MECOM: variants seen among roughly 807,000 people sequenced by gnomAD.
The protein encoded by MECOM is histone-lysine N-methyltransferase MECOM.
Under a neutral mutation model 116.3 loss-of-function variants are expected in MECOM, and 13 were observed. The observed-to-expected ratio is 0.11, with a 90% confidence interval of 0.07 to 0.18. MECOM has a LOEUF of 0.18. Ranked by LOEUF, MECOM falls within the 10% of genes least tolerant of loss-of-function variation. MECOM has a pLI of 1.00. For missense variants in MECOM, 1,299 were observed against 1,509.0 expected (o/e 0.86, Z 2.31); for synonymous variants, 528 against 535.2 (o/e 0.99, Z 0.19).
At chr3:169,421,892 A>G (rs541565226) in intron 1 of MECOM, among the ~76,000 whole-genome samples, 2 of 152,254 alleles carry the variant, frequency 1.3e-5, no homozygotes, top group East Asian at 3.9e-4. Context: ...GATTAGCTGT[A>G]ATAATCCAAG....
rs141774779 is a variant in MECOM, at chr3:169,131,385, C to A, written c.613+44G>T. ...GATGCTTTCGATGCTACTTTATAGT[C>A]GCGATGATAAGGTGATAAGGAGGGT... On this transcript the variant is annotated intron_variant, in intron 4 of 16. Coordinates refer to ENST00000651503, the MANE Select transcript of MECOM (RefSeq NM_004991.4). 420 of 1,478,972 alleles carry A rather than the reference C, an allele frequency of 2.8e-4. 4 individuals are homozygous for A. In the East Asian group the frequency reaches 9.2e-3, roughly 33 times the overall value. The allele number at this position is 1,478,972 out of a possible 1,614,324, so 91.6% of individuals were successfully genotyped here.
intron 2 of MECOM, among the ~76,000 whole-genome samples, chr3:169,236,292 A>G (rs905001148): frequency 3.9e-5 from 6 of 152,240 alleles, no homozygotes; most frequent in African/African-American, 1.4e-4. Context: ...TATCCAGCAC[A>G]TAAAACTTGG....
At chr3:169,271,405 G>A (rs1192943874) in intron 2 of MECOM, among the ~76,000 whole-genome samples, 1 of 152,178 alleles carries the variant, frequency 6.6e-6, no homozygotes, top group Non-Finnish European at 1.5e-5. Context: ...ACCAAGCCAA[G>A]CAATTGCTTA....
chr3:169,259,358 C>T (rs1289716811), intron 2 of MECOM, among the ~76,000 whole-genome samples: 1 of 152,194 alleles, frequency 6.6e-6, no homozygotes, highest in Non-Finnish European at 1.5e-5. Context: ...GCTTGAAGAT[C>T]AGGCCTAAGG....
intron 2 of MECOM, among the ~76,000 whole-genome samples, chr3:169,207,050 G>A (rs1750028987): frequency 6.6e-6 from 1 of 152,182 alleles, no homozygotes; most frequent in Non-Finnish European, 1.5e-5. Flanking sequence ...AAAATATCTT[G>A]AGGCATAGTG....
intron 1 of MECOM, among the ~76,000 whole-genome samples, chr3:169,503,709 CA>C (rs1276121265): frequency 6.6e-6 from 1 of 151,620 alleles, no homozygotes; most frequent in East Asian, 1.9e-4. Flanking sequence ...ATAGTGAAAG[CA>C]AAAAAAGCTA....
intron 1 of MECOM, among the ~76,000 whole-genome samples, chr3:169,598,088 A>T (rs945706363): frequency 2.0e-5 from 3 of 152,214 alleles, no homozygotes; most frequent in African/African-American, 7.2e-5. Flanking sequence ...TGGATCTTCA[A>T]AATAGAGCTG....
At chr3:169,165,923 A>G (rs773128150) in intron 2 of MECOM, among the ~76,000 whole-genome samples, 1 of 152,160 alleles carries the variant, frequency 6.6e-6, no homozygotes, top group Non-Finnish European at 1.5e-5. Context: ...GATGGAAAAC[A>G]TTTGGTCTTT....
intron 14 of MECOM, among the ~76,000 whole-genome samples, chr3:169,092,081 A>G (rs1719909074): frequency 6.6e-6 from 1 of 152,122 alleles, no homozygotes; most frequent in African/African-American, 2.4e-5. Flanking sequence ...GTTTTGGTGA[A>G]ATAGTGTTTC....
At chr3:169,505,507 T>G (rs1257488569) in intron 1 of MECOM, among the ~76,000 whole-genome samples, 1 of 152,226 alleles carries the variant, frequency 6.6e-6, no homozygotes, top group African/African-American at 2.4e-5. Context: ...TCAAGCTAGT[T>G]GACATATATA....
intron 1 of MECOM, among the ~76,000 whole-genome samples, chr3:169,654,843 T>C (rs1369761713): frequency 1.6e-5 from 2 of 125,964 alleles, no homozygotes; most frequent in Non-Finnish European, 1.7e-5. Flanking sequence ...CACACACACA[T>C]ATTAACTTGA....
chr3:169,389,661 A>T, intron 1 of MECOM: 1 of 874,782 alleles, frequency 1.1e-6, no homozygotes, highest in Non-Finnish European at 1.4e-6. Flanking sequence ...TTCATGCTGC[A>T]GCAGACTGGG....
At position 169,225,815 on chromosome 3, in the gene MECOM, G is replaced by A. The variant is rs180766799; in HGVS notation, c.376-81983C>T. 3.8e-3 allele frequency among the ~76,000 whole-genome samples: 572 copies of A among 152,230 alleles called. 6 individuals carry two copies. Among genetic ancestry groups the A allele is most frequent in the Non-Finnish European group, 6.3e-3 (428 of 68,006 alleles). On this transcript the variant is annotated intron_variant, in intron 2 of 16. Transcript: ENST00000651503. ...AGTAAATAGGGGCTTTCACCATATTGACCAGGCTGGTCTCGAAATCCTGAC... is the reference window on the plus strand; with the variant it reads ...AGTAAATAGGGGCTTTCACCATATTAACCAGGCTGGTCTCGAAATCCTGAC...
At position 169,102,257 on chromosome 3, in the gene MECOM, G is replaced by A. The variant is rs199853382; in HGVS notation, c.2605-31C>T. 121 of 1,576,832 alleles carry A rather than the reference G, an allele frequency of 7.7e-5. 1 individual carries two copies. In the South Asian group the frequency reaches 8.0e-4, roughly 10 times the overall value. ...AGGTAAAAGCACAAGACCATGAAGCGTTTGGCATCTTGTCTTCTATAATAA... is the reference window on the plus strand; with the variant it reads ...AGGTAAAAGCACAAGACCATGAAGCATTTGGCATCTTGTCTTCTATAATAA... On this transcript the variant is annotated intron_variant, in intron 10 of 16. Transcript: ENST00000651503.
At chr3:169,110,277 C>T (rs2149027519) in intron 9 of MECOM, among the ~76,000 whole-genome samples, 1 of 152,106 alleles carries the variant, frequency 6.6e-6, no homozygotes, top group Non-Finnish European at 1.5e-5. Context: ...ATGGCCCTGG[C>T]AAAGAAATTG....
intron 1 of MECOM, among the ~76,000 whole-genome samples, chr3:169,553,037 A>G (rs1310169558): frequency 6.6e-6 from 1 of 152,146 alleles, no homozygotes; most frequent in Non-Finnish European, 1.5e-5. Flanking sequence ...CTCAGAGGTT[A>G]AAGGACAAGG....
intron 16 of MECOM, among the ~76,000 whole-genome samples, chr3:169,087,377 G>A (rs987735816): frequency 1.3e-5 from 2 of 151,956 alleles, no homozygotes; most frequent in Admixed American, 1.3e-4. Flanking sequence ...TGGGAGGATT[G>A]CTTGAGCTCA....
At chr3:169,508,340 C>T (rs1319147426) in intron 1 of MECOM, among the ~76,000 whole-genome samples, 1 of 151,212 alleles carries the variant, frequency 6.6e-6, no homozygotes, top group Non-Finnish European at 1.5e-5. Context: ...TAGGGTGGGA[C>T]ACAGTAAACT....
chr3:169,390,203 C>G (rs1312100326), intron 1 of MECOM, among the ~76,000 whole-genome samples: 1 of 152,158 alleles, frequency 6.6e-6, no homozygotes, highest in African/African-American at 2.4e-5. Context: ...CTCAAGCAAT[C>G]CCAGTTCTAC....
Sources: allele counts gnomAD v4.1 joint callset (sites outside exome capture counted in the v4.1 genomes callset), GRCh38; gene constraint gnomAD v4.1.1; transcripts MANE v1.5; gene names NCBI Gene and HGNC (gene_info 2026-07-23, HGNC 2026-07-21).